CRTC3: variants seen among roughly 807,000 people sequenced by gnomAD.
CRTC3 encodes CREB regulated transcription coactivator 3.
A neutral mutation model predicts 74.5 loss-of-function variants in CRTC3; 26 were observed. The observed-to-expected ratio is 0.35, with a 90% CI of 0.26 to 0.48. The LOEUF (loss-of-function observed/expected upper bound fraction) is 0.48, where lower values mean the gene tolerates loss of function less well. Ranked by LOEUF, CRTC3 falls within the 20% of genes least tolerant of loss-of-function variation. CRTC3 has a pLI of 0.99. For missense variants in CRTC3, 760 were observed against 787.3 expected (o/e 0.97, Z 0.41); for synonymous variants, 377 against 325.8 (o/e 1.16, Z -1.69).
intron 2 of CRTC3, among the ~76,000 whole-genome samples, chr15:90,556,171 A>G (rs1966887838): frequency 6.6e-6 from 1 of 152,128 alleles, no homozygotes; most frequent in South Asian, 2.1e-4. Context: ...ATAATATTTC[A>G]TCATATATGA....
intron 2 of CRTC3, among the ~76,000 whole-genome samples, chr15:90,563,509 G>A (rs371024956): frequency 1.3e-5 from 2 of 151,668 alleles, no homozygotes; most frequent in South Asian, 4.2e-4. Flanking sequence ...ATATTAAAGG[G>A]GAAACATTTA....
intron 2 of CRTC3, among the ~76,000 whole-genome samples, chr15:90,564,955 T>G (rs1042530128): frequency 9.3e-6 from 1 of 107,866 alleles, no homozygotes; most frequent in Non-Finnish European, 2.1e-5. Context: ...CCTTCCTTCC[T>G]TCCTTTCATG....
chr15:90,617,845 C>A, intron 7 of CRTC3, 38 bp from the exon 8 acceptor site: 1 of 1,430,450 alleles, frequency 7.0e-7, no homozygotes, highest in South Asian at 1.1e-5. Context: ...TTCCTGCCTT[C>A]TCATGCAATG....
At chr15:90,607,285 G>A in intron 5 of CRTC3, 93 bp from the exon 6 acceptor site, 1 of 748,242 alleles carries the variant, frequency 1.3e-6, no homozygotes. Context: ...AGTTATTCTT[G>A]CCTTCTTTCC....
intron 2 of CRTC3, among the ~76,000 whole-genome samples, chr15:90,551,198 A>T (rs1409325948): frequency 6.6e-6 from 1 of 152,158 alleles, no homozygotes; most frequent in African/African-American, 2.4e-5. Context: ...GTTCATAAGG[A>T]TCTAATGAAT....
At chr15:90,616,467 T>C (rs1288027471) in intron 7 of CRTC3, among the ~76,000 whole-genome samples, 1 of 152,276 alleles carries the variant, frequency 6.6e-6, no homozygotes, top group African/African-American at 2.4e-5. Flanking sequence ...GTTTGGGCCC[T>C]GTGTCATGTG....
At chr15:90,532,535 A>G (rs1267051642) in intron 1 of CRTC3, among the ~76,000 whole-genome samples, 1 of 152,212 alleles carries the variant, frequency 6.6e-6, no homozygotes, top group African/African-American at 2.4e-5. Context: ...ATCTATCTAG[A>G]TGCTCTTTCC....
At chr15:90,542,181 A>ATT (rs59433275) in intron 2 of CRTC3, among the ~76,000 whole-genome samples, 2 of 139,644 alleles carry the variant, frequency 1.4e-5, no homozygotes, top group African/African-American at 2.6e-5. Context: ...AGTCCACTTA[A>ATT]TTTTTTTTTT....
At chr15:90,541,395 C>T (rs1966799442) in intron 2 of CRTC3, among the ~76,000 whole-genome samples, 1 of 152,124 alleles carries the variant, frequency 6.6e-6, no homozygotes, top group Non-Finnish European at 1.5e-5. Context: ...TTTGAGAGTG[C>T]TGATAGGAAC....
chr15:90,627,293 TCA>T (rs1404636694), intron 10 of CRTC3, among the ~76,000 whole-genome samples: 4 of 152,246 alleles, frequency 2.6e-5, no homozygotes, highest in African/African-American at 9.6e-5. Flanking sequence ...CGACTGAGTC[TCA>T]GTTTTGATAT....
At chr15:90,586,546 A>G (rs1318771703) in intron 2 of CRTC3, among the ~76,000 whole-genome samples, 1 of 151,606 alleles carries the variant, frequency 6.6e-6, no homozygotes, top group African/African-American at 2.4e-5. Context: ...TTGTGTTTTT[A>G]GTAGAGACGG....
chr15:90,573,226 A>C (rs1967318873), intron 2 of CRTC3, among the ~76,000 whole-genome samples: 3 of 152,178 alleles, frequency 2.0e-5, no homozygotes. Context: ...GCCTCTACTC[A>C]AGGGCGGGGA....
At chr15:90,537,132 C>T (rs1280870154) in intron 1 of CRTC3, among the ~76,000 whole-genome samples, 1 of 152,170 alleles carries the variant, frequency 6.6e-6, no homozygotes, top group East Asian at 1.9e-4. Flanking sequence ...TGAAGACAGT[C>T]TCAAAGTTCT....
At chr15:90,575,373 C>A (rs1967380008) in intron 2 of CRTC3, among the ~76,000 whole-genome samples, 1 of 152,242 alleles carries the variant, frequency 6.6e-6, no homozygotes, top group South Asian at 2.1e-4. Flanking sequence ...AAGTTAATGC[C>A]TTTTTGGTTG....
intron 13 of CRTC3, among the ~76,000 whole-genome samples, chr15:90,639,489 G>A (rs533776620): frequency 8.6e-5 from 12 of 138,952 alleles, no homozygotes; most frequent in Admixed American, 5.4e-4. Flanking sequence ...TTAATCTGTC[G>A]CCTAGGCTGG....
At chr15:90,627,248 C>G (rs906899700) in intron 10 of CRTC3, among the ~76,000 whole-genome samples, 8 of 152,128 alleles carry the variant, frequency 5.3e-5, no homozygotes, top group Middle Eastern at 3.2e-3. Flanking sequence ...TTTTTTGGGT[C>G]ATTTTAGTAT....
At chr15:90,641,056 C>CA (rs1969421410) in intron 13 of CRTC3, 41 bp from the exon 14 acceptor site, 1 of 1,320,630 alleles carries the variant, frequency 7.6e-7, no homozygotes. Flanking sequence ...TCCTTGGAAA[C>CA]AGAGGTGTGG....
At chr15:90,573,139 T>A (rs968614896) in intron 2 of CRTC3, among the ~76,000 whole-genome samples, 2 of 152,218 alleles carry the variant, frequency 1.3e-5, no homozygotes, top group Admixed American at 1.3e-4. Context: ...CTCGTACAAG[T>A]TAAATTACAC....
intron 9 of CRTC3, among the ~76,000 whole-genome samples, chr15:90,622,771 A>G (rs1968696630): frequency 6.6e-6 from 1 of 151,856 alleles, no homozygotes; most frequent in Non-Finnish European, 1.5e-5. Context: ...GAATTGTTTG[A>G]ACCCGGGAGG....
Sources: allele counts gnomAD v4.1 joint callset (sites outside exome capture counted in the v4.1 genomes callset), GRCh38; gene constraint gnomAD v4.1.1; transcripts MANE v1.5; gene names NCBI Gene and HGNC (gene_info 2026-07-23, HGNC 2026-07-21).